The following PDE4D variants were observed in gnomAD, a reference collection of about 807,000 sequenced individuals.
PDE4D encodes the protein 3',5'-cyclic-AMP phosphodiesterase 4D.
Under a neutral mutation model 87.4 loss-of-function variants are expected in PDE4D, and 24 were observed. That is an observed-to-expected ratio of 0.27 (90% confidence interval 0.20 to 0.39). The LOEUF is 0.39. Among genes scored for constraint, PDE4D ranks in the 10% least tolerant of loss-of-function variants. The pLI is 1.00. For missense variants in PDE4D, 714 were observed against 1,041.0 expected (o/e 0.69, Z 4.32); for synonymous variants, 384 against 383.2 (o/e 1.00, Z -0.02).
At chr5:59,661,959 G>A (rs146931111) in intron 1 of PDE4D, among the ~76,000 whole-genome samples, 206 of 152,228 alleles carry the variant, frequency 1.4e-3, no homozygotes, top group African/African-American at 4.5e-3. Context: ...ATGTTCAGGC[G>A]TTCTGGGAGG....
intron 1 of PDE4D, among the ~76,000 whole-genome samples, chr5:59,387,468 AG>A (rs1562083192): frequency 6.6e-6 from 1 of 152,150 alleles, no homozygotes; most frequent in Non-Finnish European, 1.5e-5. Flanking sequence ...TCTGACACAG[AG>A]AAATGGATTT....
intron 2 of PDE4D, among the ~76,000 whole-genome samples, chr5:59,215,133 C>A (rs1047546349): frequency 6.6e-6 from 1 of 152,146 alleles, no homozygotes; most frequent in African/African-American, 2.4e-5. Flanking sequence ...AGAAAATGAG[C>A]TAGTGATGGT....
intron 1 of PDE4D, among the ~76,000 whole-genome samples, chr5:59,376,397 A>C (rs1784741268): frequency 6.6e-6 from 1 of 152,186 alleles, no homozygotes; most frequent in African/African-American, 2.4e-5. Flanking sequence ...ACAATAGTCA[A>C]GCTGAGAGCC....
chr5:60,323,774 G>A (rs558715537), intron 1 of PDE4D, among the ~76,000 whole-genome samples: 10 of 147,508 alleles, frequency 6.8e-5, no homozygotes, highest in African/African-American at 2.1e-4. Context: ...CCCCCCACCC[G>A]CAGCCTCTCT....
At chr5:59,894,266 A>C (rs1751398890), upstream of PDE4D, among the ~76,000 whole-genome samples, 1 of 152,132 alleles carries the variant, frequency 6.6e-6, no homozygotes, top group Non-Finnish European at 1.5e-5. Context: ...CTCTTAGAGA[A>C]ATGGAGTTTG....
chr5:59,701,233 C>T (rs1437983168), intron 1 of PDE4D, among the ~76,000 whole-genome samples: 1 of 152,108 alleles, frequency 6.6e-6, no homozygotes, highest in African/African-American at 2.4e-5. Flanking sequence ...TTAGGTCACA[C>T]TTTTCACCCC....
intron 1 of PDE4D, among the ~76,000 whole-genome samples, chr5:59,581,793 G>T (rs891114342): frequency 7.2e-5 from 11 of 151,846 alleles, no homozygotes; most frequent in Non-Finnish European, 1.3e-4. Context: ...AAAATTAAGG[G>T]GCATACAGCT....
At chr5:59,762,245 T>C (rs1483209413) in intron 1 of PDE4D, among the ~76,000 whole-genome samples, 3 of 142,596 alleles carry the variant, frequency 2.1e-5, no homozygotes, top group African/African-American at 7.9e-5. Context: ...TATATGTGTA[T>C]ATGGGTACAC....
chr5:60,094,588 CTTTT>C (rs3087200), intron 2 of PDE4D, among the ~76,000 whole-genome samples: 2 of 58,180 alleles, frequency 3.4e-5, no homozygotes, highest in East Asian at 1.4e-3. Context: ...GAGTGACATG[CTTTT>C]TTTTTTTTTT....
intron 1 of PDE4D, among the ~76,000 whole-genome samples, chr5:60,353,604 C>G (rs1759370204): frequency 6.6e-6 from 1 of 152,210 alleles, no homozygotes; most frequent in African/African-American, 2.4e-5. Flanking sequence ...CCCCAACAGA[C>G]TAGCACTTTC....
chr5:59,655,300 G>A (rs532891691), intron 1 of PDE4D, among the ~76,000 whole-genome samples: 2 of 152,180 alleles, frequency 1.3e-5, no homozygotes, highest in East Asian at 1.9e-4. Flanking sequence ...AAAGAGATTC[G>A]TTAGCTAGTC....
intron 1 of PDE4D, among the ~76,000 whole-genome samples, chr5:59,771,497 G>GA (rs1561637792): frequency 0.032 from 1,548 of 47,700 alleles, 12 homozygotes; most frequent in Admixed American, 0.042. Flanking sequence ...GAGAGAGAGA[G>GA]AGAAGAAAGA....
At chr5:59,988,995 T>C (rs574995243) in intron 2 of PDE4D, among the ~76,000 whole-genome samples, 3 of 151,818 alleles carry the variant, frequency 2.0e-5, no homozygotes, top group African/African-American at 4.8e-5. Context: ...GTGTGAATTC[T>C]ATAAAATCAA....
chr5:59,608,981 T>C (rs1201465208), intron 1 of PDE4D, among the ~76,000 whole-genome samples: 2 of 151,750 alleles, frequency 1.3e-5, no homozygotes, highest in African/African-American at 2.4e-5. Flanking sequence ...TGGCAAGGAG[T>C]TGAGGCTTTC....
chr5:59,879,203 C>T (rs1485469509), intron 1 of PDE4D, among the ~76,000 whole-genome samples: 1 of 152,076 alleles, frequency 6.6e-6, no homozygotes, highest in Non-Finnish European at 1.5e-5. Flanking sequence ...CCCGGCCCTA[C>T]CAAAGTAAGT....
At chr5:59,661,366 T>TG (rs1394991925) in intron 1 of PDE4D, among the ~76,000 whole-genome samples, 3 of 152,022 alleles carry the variant, frequency 2.0e-5, no homozygotes, top group African/African-American at 7.2e-5. Context: ...ATGAATACAG[T>TG]GGGGGTGTGT....
intron 4 of PDE4D, 51 bp from the exon 5 acceptor site, chr5:59,180,695 T>C (rs1741319527): frequency 1.1e-5 from 17 of 1,487,966 alleles, no homozygotes; most frequent in East Asian, 2.3e-5. Flanking sequence ...GCTTATTGAT[T>C]TGATCACTCT....
chr5:59,854,503 C>T (rs997943784), intron 1 of PDE4D, among the ~76,000 whole-genome samples: 4 of 151,766 alleles, frequency 2.6e-5, no homozygotes, highest in Admixed American at 2.6e-4. Context: ...CAGTATTTTC[C>T]CTAATGATTT....
chr5:59,003,853 G>A (rs1751024972), intron 6 of PDE4D, among the ~76,000 whole-genome samples: 1 of 151,994 alleles, frequency 6.6e-6, no homozygotes, highest in Non-Finnish European at 1.5e-5. Flanking sequence ...CAAAGGCCTC[G>A]AGGCAAAACA....
Sources: gnomAD v4.1 joint callset for allele counts (sites outside exome capture counted in the v4.1 genomes callset) on GRCh38, gnomAD v4.1.1 for gene constraint, MANE v1.5 for transcripts, NCBI Gene and HGNC (gene_info 2026-07-23, HGNC 2026-07-21) for gene names.